Variants in PIGN observed in about 807,000 individuals in gnomAD.
PIGN encodes the protein GPI ethanolamine phosphate transferase 1.
A neutral mutation model predicts 125.4 loss-of-function variants in PIGN; 117 were observed. The ratio of observed to expected loss-of-function variants is 0.93; its 90% confidence interval spans 0.80 to 1.09. The LOEUF (loss-of-function observed/expected upper bound fraction) is 1.09, where lower values mean the gene tolerates loss of function less well. Ranked by LOEUF, PIGN falls within the 50% of genes least tolerant of loss-of-function variation. The probability of loss-of-function intolerance (pLI) is 0.00; values close to 1 mark genes in which losing one functional copy is unlikely to be tolerated. For missense variants in PIGN, 1,075 were observed against 1,094.9 expected (o/e 0.98, Z 0.26); for synonymous variants, 392 against 377.8 (o/e 1.04, Z -0.44).
chr18:62,048,695 C>T (rs1233952906), intron 30 of PIGN, among the ~76,000 whole-genome samples: 5 of 139,660 alleles, frequency 3.6e-5, no homozygotes, highest in African/African-American at 5.2e-5. Flanking sequence ...GTTTTCTTTT[C>T]TTTTTTTTTT....
At position 62,114,748 on chromosome 18, in the gene PIGN, A is replaced by G. The variant is rs747455570; in HGVS notation, c.1173-109T>C. 6.8e-5 allele frequency: 35 copies of G among 516,440 alleles called. 1 individual carries two copies. Among genetic ancestry groups the G allele is most frequent in the Non-Finnish European group, 9.8e-5 (30 of 306,488 alleles). 32.0% of individuals were successfully genotyped at this position (516,440 alleles called of 1,614,324 possible). On this transcript the variant is annotated intron_variant, in intron 14 of 30. Coordinates refer to ENST00000640252, the MANE Select transcript of PIGN (RefSeq NM_176787.5). ...GATAGTGAAAATTACAAAACAGCAA[A>G]CAAAACAAAAATCAAAGAAAAAAAC...
At chr18:62,145,762 T>C (rs1052109356) in intron 10 of PIGN, 147 bp downstream of exon 10, 1 of 551,540 alleles carries the variant, frequency 1.8e-6, no homozygotes, top group Non-Finnish European at 3.3e-6. Context: ...CAACAACCCC[T>C]TGTAGTGTTT....
intron 10 of PIGN, among the ~76,000 whole-genome samples, 156 bp from the exon 11 acceptor site, chr18:62,143,502 G>T (rs1017545850): frequency 6.6e-6 from 1 of 152,076 alleles, no homozygotes; most frequent in Admixed American, 6.5e-5. Context: ...AAAGGCAAAG[G>T]TGTATTTTTT....
chr18:62,136,730 A>G (rs978523629), intron 14 of PIGN: 1 of 196,492 alleles, frequency 5.1e-6, no homozygotes, highest in South Asian at 1.9e-4. Flanking sequence ...CACATCCTTA[A>G]GATTCATAGA....
At position 62,177,785 on chromosome 18, in the gene PIGN, C is replaced by T. The variant is rs907993171; in HGVS notation, c.-236+9059G>A. Among the ~76,000 whole-genome samples the T allele has an allele frequency of 5.3e-5, 8 of 152,244 alleles. No individual in the cohort carries two copies. The East Asian group carries it at 1.2e-3, about 22-fold the overall frequency. On this transcript the variant is annotated intron_variant, in intron 1 of 30. Transcript: ENST00000640252. The stretch of plus-strand genomic sequence containing the variant: ...GTCATTAAAGTCTCTGTTTTGTTAT[C>T]TTACTGATCAGCCAATGGCAGATTT...
At chr18:62,022,461 C>G (rs2030064294) in intron 23 of PIGN, among the ~76,000 whole-genome samples, 1 of 152,174 alleles carries the variant, frequency 6.6e-6, no homozygotes, top group African/African-American at 2.4e-5. Context: ...TAAGGTTAAG[C>G]CCTGAATTGC....
At chr18:62,052,887 G>A (rs1351583394) in intron 30 of PIGN, 1 of 378,394 alleles carries the variant, frequency 2.6e-6, no homozygotes. Flanking sequence ...AGCTCTTTTA[G>A]GGCAGGCCTG....
intron 1 of PIGN, among the ~76,000 whole-genome samples, chr18:62,176,362 T>C (rs893241828): frequency 2.0e-5 from 3 of 152,016 alleles, no homozygotes; most frequent in Non-Finnish European, 4.4e-5. Context: ...CAAGATCCAT[T>C]GATAAATGCT....
intron 1 of PIGN, among the ~76,000 whole-genome samples, chr18:62,173,585 C>T (rs1052490174): frequency 6.6e-6 from 1 of 152,076 alleles, no homozygotes; most frequent in African/African-American, 2.4e-5. Context: ...CGGATTCTGG[C>T]ATTAGGTACA....
intron 23 of PIGN, among the ~76,000 whole-genome samples, chr18:62,018,064 G>C (rs1274480691): frequency 6.6e-6 from 1 of 152,232 alleles, no homozygotes; most frequent in African/African-American, 2.4e-5. Flanking sequence ...ACAGTCAGAG[G>C]CTTTGGCGAT....
At chr18:62,175,078 T>TTATA (rs2037479973) in intron 1 of PIGN, among the ~76,000 whole-genome samples, 1 of 143,924 alleles carries the variant, frequency 6.9e-6, no homozygotes, top group South Asian at 2.1e-4. Context: ...ATATATATAT[T>TTATA]TAATATATCT....
intron 28 of PIGN, among the ~76,000 whole-genome samples, chr18:62,077,102 G>A (rs903473069): frequency 6.6e-6 from 1 of 152,198 alleles, no homozygotes; most frequent in African/African-American, 2.4e-5. Flanking sequence ...TTTAGAATGA[G>A]TGCGGTGGCT....
At chr18:62,145,163 G>A (rs1187689359) in intron 10 of PIGN, among the ~76,000 whole-genome samples, 4 of 152,130 alleles carry the variant, frequency 2.6e-5, no homozygotes, top group East Asian at 1.9e-4. Flanking sequence ...AGAAAGCAGG[G>A]GCTATCTCAA....
chr18:62,119,694 C>G (rs1406643756), intron 14 of PIGN, among the ~76,000 whole-genome samples: 1 of 151,598 alleles, frequency 6.6e-6, no homozygotes, highest in Admixed American at 6.6e-5. Flanking sequence ...AAGTACAAAA[C>G]TTAGCCGGGT....
chr18:62,038,919 AAATAATAAT>A (rs10601031), downstream of PIGN, among the ~76,000 whole-genome samples: 9,684 of 144,662 alleles, frequency 0.067, 745 homozygotes, highest in African/African-American at 0.18. Flanking sequence ...CCCTGTCTCA[AAATAATAAT>A]AATAATAATA....
At chr18:62,138,578 A>G (rs1020960247) in intron 13 of PIGN, among the ~76,000 whole-genome samples, 1 of 152,238 alleles carries the variant, frequency 6.6e-6, no homozygotes, top group African/African-American at 2.4e-5. Flanking sequence ...CAAACCGCTT[A>G]TTCTTAAAAG....
intron 1 of PIGN, among the ~76,000 whole-genome samples, chr18:62,170,349 T>C (rs899502989): frequency 2.1e-5 from 3 of 144,786 alleles, no homozygotes; most frequent in Admixed American, 1.5e-4. Context: ...TGGTGCTATT[T>C]TTCCAACAAT....
chr18:62,165,584 G>A (rs554302942), intron 1 of PIGN, among the ~76,000 whole-genome samples: 8 of 152,134 alleles, frequency 5.3e-5, no homozygotes, highest in Admixed American at 1.3e-4. Context: ...ATTTAAGCTC[G>A]AGATGCCATA....
chr18:62,057,870 CA>C (rs1351339242), intron 30 of PIGN, among the ~76,000 whole-genome samples: 1 of 152,174 alleles, frequency 6.6e-6, no homozygotes, highest in Non-Finnish European at 1.5e-5. Context: ...ACTTTGCCAA[CA>C]GGGAAAAGAT....
Sources: allele counts gnomAD v4.1 joint callset (sites outside exome capture counted in the v4.1 genomes callset), GRCh38; gene constraint gnomAD v4.1.1; transcripts MANE v1.5; gene names NCBI Gene and HGNC (gene_info 2026-07-23, HGNC 2026-07-21).